ZNRF2: variants seen among roughly 807,000 people sequenced by gnomAD.
ZNRF2 encodes E3 ubiquitin-protein ligase ZNRF2.
Under a neutral mutation model 20.4 loss-of-function variants are expected in ZNRF2, and 16 were observed. The ratio of observed to expected loss-of-function variants is 0.79; its 90% CI spans 0.53 to 1.19. ZNRF2 has a LOEUF of 1.19. Ranked by LOEUF, ZNRF2 falls within the 50% of genes most tolerant of loss-of-function variation. The pLI, the probability that ZNRF2 is intolerant of heterozygous loss-of-function variation, is 0.00. For synonymous variants in ZNRF2, 178 were observed against 144.9 expected (o/e 1.23, Z -1.64); for missense variants, 363 against 332.4 (o/e 1.09, Z -0.72).
At chr7:30,326,881 G>C (rs1435105290) in intron 2 of ZNRF2, among the ~76,000 whole-genome samples, 1 of 152,024 alleles carries the variant, frequency 6.6e-6, no homozygotes, top group Non-Finnish European at 1.5e-5. Flanking sequence ...TTTCTCTAAT[G>C]ATCAGTGATG....
chr7:30,342,992 T>A (rs76215873), intron 2 of ZNRF2, among the ~76,000 whole-genome samples: 5,647 of 152,198 alleles, frequency 0.037, 334 homozygotes, highest in African/African-American at 0.12. Flanking sequence ...TTATTACTGT[T>A]TTCTTTGTGG....
At chr7:30,344,141 C>T (rs549520578) in intron 2 of ZNRF2, among the ~76,000 whole-genome samples, 9 of 151,696 alleles carry the variant, frequency 5.9e-5, no homozygotes, top group Admixed American at 4.6e-4. Flanking sequence ...AGGCTGGTCT[C>T]GAACTCCTGA....
chr7:30,299,288 G>A (rs1314225149), intron 1 of ZNRF2, among the ~76,000 whole-genome samples: 1 of 151,968 alleles, frequency 6.6e-6, no homozygotes, highest in Non-Finnish European at 1.5e-5. Flanking sequence ...GCGTAGTGAC[G>A]CATGCCTGTA....
At chr7:30,292,968 T>C (rs1280656305) in intron 1 of ZNRF2, among the ~76,000 whole-genome samples, 3 of 152,154 alleles carry the variant, frequency 2.0e-5, no homozygotes, top group Non-Finnish European at 4.4e-5. Flanking sequence ...TTACTCTGGC[T>C]ATTGTGTGAG....
chr7:30,362,054 CTG>C (rs1261241078), intron 3 of ZNRF2, among the ~76,000 whole-genome samples: 4 of 152,086 alleles, frequency 2.6e-5, no homozygotes, highest in African/African-American at 4.8e-5. Context: ...AAATGAATAA[CTG>C]TTTTGAAAAG....
chr7:30,284,692 T>G lies in ZNRF2; in HGVS notation c.-666T>G, dbSNP rs895372817. On this transcript the variant is annotated 5_prime_UTR_variant, in exon 1 of 5. Coordinates refer to ENST00000323037, the MANE Select transcript of ZNRF2 (RefSeq NM_147128.4). ...CCTCCCCATCTGCGCACCCCCCGCC[T>G]TCGCGGCCCAGATCCTCCCGCCAGC... 1.2e-5 allele frequency: 2 copies of G among 160,634 alleles called. No homozygotes were observed. The highest frequency in any genetic ancestry group is 2.8e-5 in the Non-Finnish European group (2 of 72,350). 10.0% of individuals were successfully genotyped at this position (160,634 alleles called of 1,614,324 possible).
intron 3 of ZNRF2, among the ~76,000 whole-genome samples, chr7:30,360,537 A>G (rs923042358): frequency 1.3e-5 from 2 of 152,020 alleles, no homozygotes; most frequent in Non-Finnish European, 2.9e-5. Context: ...GAAAAAAAAA[A>G]AAATTAGCTG....
At chr7:30,300,026 T>C (rs1177659589) in intron 1 of ZNRF2, among the ~76,000 whole-genome samples, 2 of 151,754 alleles carry the variant, frequency 1.3e-5, no homozygotes, top group Non-Finnish European at 1.5e-5. Flanking sequence ...CCTCGTGATG[T>C]GCCCGCCTTG....
intron 2 of ZNRF2, among the ~76,000 whole-genome samples, chr7:30,341,198 A>C (rs1799790783): frequency 6.6e-6 from 1 of 151,612 alleles, no homozygotes; most frequent in African/African-American, 2.4e-5. Flanking sequence ...GGATTCATTG[A>C]TTTTTTTTGG....
At chr7:30,303,857 C>T (rs920078218) in intron 1 of ZNRF2, among the ~76,000 whole-genome samples, 1 of 152,090 alleles carries the variant, frequency 6.6e-6, no homozygotes, top group South Asian at 2.1e-4. Context: ...CTGATGCCTG[C>T]CAAAGTGTGG....
In ZNRF2 at chr7:30,286,257, G is replaced by C. The variant is rs577833763; in HGVS notation, c.469+431G>C. 6.6e-5 allele frequency among the ~76,000 whole-genome samples: 10 copies of C among 152,298 alleles called. No individual in the cohort carries two copies. The South Asian group carries it at 2.1e-3, about 32-fold the overall frequency. The stretch of plus-strand genomic sequence containing the variant: ...GTTTTTAAAGGCCAAAAGTCAAAGC[G>C]TCTCAAATGAACACTGAGTTACCAT... On this transcript the variant is annotated intron_variant, in intron 1 of 4. Coordinates refer to ENST00000323037, the MANE Select transcript of ZNRF2 (RefSeq NM_147128.4).
intron 1 of ZNRF2, among the ~76,000 whole-genome samples, chr7:30,294,042 A>G (rs1446549311): frequency 2.6e-5 from 4 of 152,098 alleles, no homozygotes; most frequent in Admixed American, 6.5e-5. Flanking sequence ...TGTGGAGAAC[A>G]GGGTCTCGCT....
intron 2 of ZNRF2, among the ~76,000 whole-genome samples, chr7:30,344,973 T>G (rs780084961): frequency 2.2e-4 from 33 of 152,148 alleles, no homozygotes; most frequent in Non-Finnish European, 4.1e-4. Flanking sequence ...TTGTCCTCCT[T>G]TTAAAATTGA....
At chr7:30,298,688 T>C (rs1393831223) in intron 1 of ZNRF2, among the ~76,000 whole-genome samples, 1 of 152,216 alleles carries the variant, frequency 6.6e-6, no homozygotes, top group Non-Finnish European at 1.5e-5. Flanking sequence ...TAGAAACTTT[T>C]CCCTTTCCTA....
At chr7:30,313,586 A>G (rs1349425444) in intron 1 of ZNRF2, among the ~76,000 whole-genome samples, 1 of 152,152 alleles carries the variant, frequency 6.6e-6, no homozygotes, top group Non-Finnish European at 1.5e-5. Flanking sequence ...AAACAAACAA[A>G]TAGACTGTAA....
intron 2 of ZNRF2, among the ~76,000 whole-genome samples, chr7:30,328,450 G>C (rs998871979): frequency 2.6e-5 from 4 of 152,134 alleles, no homozygotes; most frequent in African/African-American, 9.7e-5. Flanking sequence ...AAAGTAGCTA[G>C]ATCTGAAATT....
At chr7:30,358,229 T>C (rs192237725) in intron 3 of ZNRF2, among the ~76,000 whole-genome samples, 2 of 152,270 alleles carry the variant, frequency 1.3e-5, no homozygotes, top group Admixed American at 6.5e-5. Context: ...TTGCCAGATA[T>C]GAGATCAACC....
chr7:30,348,159 T>C (rs1396591641), intron 2 of ZNRF2, among the ~76,000 whole-genome samples: 1 of 124,472 alleles, frequency 8.0e-6, no homozygotes, highest in African/African-American at 3.3e-5. Context: ...AAGAAGTCAA[T>C]ACACTTAAAA....
At position 30,285,597 on chromosome 7, in the gene ZNRF2, C is replaced by G; in HGVS notation, c.240C>G (p.Ser80Arg). 1 of 1,133,298 alleles carries G rather than the reference C, an allele frequency of 8.8e-7. No individual in the cohort carries two copies. The highest frequency in any genetic ancestry group is 1.1e-6 in the Non-Finnish European group (1 of 925,674). 70.2% of individuals were successfully genotyped at this position (1,133,298 alleles called of 1,614,324 possible). ...AAPAAPAAPR[S>R]RSLGGAVGSV... ...CGGCAGCCCCGGCGGCCCCGCGCAG[C>G]CGCTCCCTCGGCGGGGCCGTGGGGA... The change falls in exon 1 of 5, where the codon AGC (serine) becomes AGG (arginine). Residue 80 changes from serine (S) to arginine (R), a missense_variant. Physicochemically the swap from Ser to Arg is moderately radical, Grantham distance 110. Transcript: ENST00000323037.
Sources: gnomAD v4.1 joint callset for allele counts (sites outside exome capture counted in the v4.1 genomes callset) on GRCh38, gnomAD v4.1.1 for gene constraint, MANE v1.5 for transcripts, NCBI Gene and HGNC (gene_info 2026-07-23, HGNC 2026-07-21) for gene names.